GRIP1: variants seen among roughly 807,000 people sequenced by gnomAD.
GRIP1 encodes glutamate receptor-interacting protein 1.
In GRIP1, 45 loss-of-function variants were observed where a neutral mutation model predicts 129.9. That is an observed-to-expected ratio of 0.35 (90% confidence interval 0.27 to 0.44). The LOEUF (loss-of-function observed/expected upper bound fraction) is 0.44, where lower values mean the gene tolerates loss of function less well. Among genes scored for constraint, GRIP1 ranks in the 20% least tolerant of loss-of-function variants. The probability of loss-of-function intolerance (pLI) is 1.00; values close to 1 mark genes in which losing one functional copy is unlikely to be tolerated. For missense variants in GRIP1, 1,196 were observed against 1,396.8 expected, an observed-to-expected ratio of 0.86 and a Z score of 2.29; for synonymous variants, 530 against 520.8, an observed-to-expected ratio of 1.02 and a Z score of -0.24.
chr12:66,389,420 G>A (rs1207563354), intron 19 of GRIP1, among the ~76,000 whole-genome samples: 1 of 152,010 alleles, frequency 6.6e-6, no homozygotes, highest in Non-Finnish European at 1.5e-5. Flanking sequence ...TAGAGATGGG[G>A]TTTCGCCACG....
At chr12:66,377,925 C>A (rs547706626) in intron 20 of GRIP1, among the ~76,000 whole-genome samples, 1 of 150,970 alleles carries the variant, frequency 6.6e-6, no homozygotes, top group Non-Finnish European at 1.5e-5. Context: ...GCTATATCTA[C>A]AAGGAACGAG....
intron 1 of GRIP1, among the ~76,000 whole-genome samples, chr12:66,751,913 A>G (rs1455956228): frequency 1.3e-5 from 2 of 152,170 alleles, no homozygotes; most frequent in East Asian, 1.9e-4. Context: ...AGTGACTTAC[A>G]TCACCTTGCT....
intron 1 of GRIP1, among the ~76,000 whole-genome samples, chr12:66,965,221 C>T (rs1160676): frequency 0.96 from 145,683 of 152,128 alleles, 69,834 homozygotes; most frequent in East Asian, 1. Flanking sequence ...ATGCAAGATA[C>T]CATATCCTTC....
chr12:66,665,968 A>T (rs867917292), intron 1 of GRIP1, among the ~76,000 whole-genome samples: 8 of 152,248 alleles, frequency 5.3e-5, no homozygotes, highest in Middle Eastern at 6.8e-3. Flanking sequence ...TTTCCTTACC[A>T]TGTCAACTTC....
At chr12:66,987,416 G>C (rs2042328177) in intron 1 of GRIP1, among the ~76,000 whole-genome samples, 1 of 152,168 alleles carries the variant, frequency 6.6e-6, no homozygotes, top group Admixed American at 6.5e-5. Flanking sequence ...AGGTCCTTTA[G>C]ACCTTGCCTT....
At chr12:66,867,288 C>A (rs1157978673) in intron 1 of GRIP1, among the ~76,000 whole-genome samples, 1 of 152,276 alleles carries the variant, frequency 6.6e-6, no homozygotes, top group East Asian at 1.9e-4. Flanking sequence ...AGTGCCCAAT[C>A]TCATATTTTA....
At chr12:66,488,901 C>T (rs781326382) in intron 7 of GRIP1, among the ~76,000 whole-genome samples, 1 of 152,108 alleles carries the variant, frequency 6.6e-6, no homozygotes, top group Non-Finnish European at 1.5e-5. Context: ...GATGCATACA[C>T]CCTACTAAGA....
At chr12:66,779,753 C>A (rs1023764099) in intron 1 of GRIP1, among the ~76,000 whole-genome samples, 2 of 151,960 alleles carry the variant, frequency 1.3e-5, no homozygotes, top group Admixed American at 6.6e-5. Flanking sequence ...TTGGGGGGAC[C>A]CAGTAAACAA....
chr12:67,010,942 G>A lies in GRIP1; in HGVS notation c.58+58108C>T, dbSNP rs537800193. Among the ~76,000 whole-genome samples, 17 of 152,222 alleles carry A rather than the reference G, an allele frequency of 1.1e-4. No homozygotes were observed. In the South Asian group the frequency reaches 3.5e-3, roughly 32 times the overall value. On this transcript the variant is annotated intron_variant, in intron 1 of 1. Transcript: ENST00000643019. ...AAACTATAAATGCTTGAGTTCTCAG[G>A]ACTGAGGCCTAGTACCTTCCTCTCT...
intron 2 of GRIP1, among the ~76,000 whole-genome samples, chr12:66,590,784 T>C (rs1415149591): frequency 6.6e-6 from 1 of 152,216 alleles, no homozygotes; most frequent in African/African-American, 2.4e-5. Flanking sequence ...TTCCATTCAT[T>C]AGTCTTGGGC....
intron 1 of GRIP1, among the ~76,000 whole-genome samples, chr12:66,957,200 T>C (rs968999027): frequency 6.6e-6 from 1 of 151,978 alleles, no homozygotes; most frequent in African/African-American, 2.4e-5. Flanking sequence ...CAGATACATA[T>C]GGGGAGAAGA....
chr12:66,765,766 C>T (rs959685069), intron 1 of GRIP1, among the ~76,000 whole-genome samples: 3 of 152,150 alleles, frequency 2.0e-5, no homozygotes, highest in Non-Finnish European at 2.9e-5. Flanking sequence ...GAGTATTTTT[C>T]TTTTATAAAC....
At chr12:66,468,756 A>C (rs75614745) in intron 7 of GRIP1, among the ~76,000 whole-genome samples, 2,554 of 151,836 alleles carry the variant, frequency 0.017, 75 homozygotes, top group African/African-American at 0.059. Flanking sequence ...TCCAATGATC[A>C]TGAAGAATTA....
chr12:66,392,634 T>C, intron 18 of GRIP1, 43 bp downstream of exon 18: 1 of 1,610,140 alleles, frequency 6.2e-7, no homozygotes, highest in African/African-American at 1.3e-5. Context: ...AGGAAGAAAA[T>C]GCACTGGAAA....
intron 1 of GRIP1, among the ~76,000 whole-genome samples, chr12:66,606,473 C>T (rs1302082617): frequency 1.3e-5 from 2 of 152,052 alleles, no homozygotes; most frequent in Non-Finnish European, 2.9e-5. Flanking sequence ...CTTCAGTCAA[C>T]CAGAAGCCTT....
chr12:66,355,236 G>GCA (rs903594468), intron 23 of GRIP1, among the ~76,000 whole-genome samples: 1 of 152,054 alleles, frequency 6.6e-6, no homozygotes, highest in South Asian at 2.1e-4. Context: ...GTGTGTGTGT[G>GCA]CACACACACT....
At chr12:66,450,392 T>G (rs372706801) in intron 11 of GRIP1, among the ~76,000 whole-genome samples, 7 of 143,688 alleles carry the variant, frequency 4.9e-5, no homozygotes, top group African/African-American at 1.8e-4. Flanking sequence ...ATACTAGATA[T>G]AGTGAAGCCT....
At chr12:66,862,644 T>A (rs986809503) in intron 1 of GRIP1, among the ~76,000 whole-genome samples, 2 of 152,020 alleles carry the variant, frequency 1.3e-5, no homozygotes, top group Admixed American at 6.6e-5. Flanking sequence ...CTGGCTGTCT[T>A]GTCTCATTTT....
At chr12:66,600,415 C>T (rs945324969) in intron 1 of GRIP1, among the ~76,000 whole-genome samples, 2 of 152,172 alleles carry the variant, frequency 1.3e-5, no homozygotes, top group African/African-American at 2.4e-5. Flanking sequence ...CCTAGCACAT[C>T]GTAGGCATTC....
Sources: allele counts gnomAD v4.1 joint callset (sites outside exome capture counted in the v4.1 genomes callset), GRCh38; gene constraint gnomAD v4.1.1; transcripts MANE v1.5; gene names NCBI Gene and HGNC (gene_info 2026-07-23, HGNC 2026-07-21).